The following TENM2 variants were observed in gnomAD, a reference collection of about 807,000 sequenced individuals.
TENM2 encodes teneurin transmembrane protein 2, also known as teneurin-2.
A neutral mutation model predicts 245.2 loss-of-function variants in TENM2; 52 were observed. The ratio of observed to expected loss-of-function variants is 0.21; its 90% confidence interval spans 0.17 to 0.27. TENM2 has a LOEUF of 0.27. Among genes scored for constraint, TENM2 ranks in the 10% least tolerant of loss-of-function variants. TENM2 has a pLI of 1.00. For synonymous variants in TENM2, 1,363 were observed against 1,438.9 expected (o/e 0.95, Z 1.19); for missense variants, 3,046 against 3,666.8 (o/e 0.83, Z 4.37).
At chr5:167,503,811 TTGAGCCCAG>T (rs1429989076) in intron 2 of TENM2, among the ~76,000 whole-genome samples, 4 of 152,150 alleles carry the variant, frequency 2.6e-5, no homozygotes, top group Non-Finnish European at 5.9e-5. Flanking sequence ...GGAGGATCAC[TTGAGCCCAG>T]GAGGCAGAGG....
intron 2 of TENM2, among the ~76,000 whole-genome samples, chr5:167,760,086 A>G (rs931321478): frequency 2.6e-5 from 4 of 152,170 alleles, no homozygotes; most frequent in Non-Finnish European, 5.9e-5. Context: ...GAGAGGAGCT[A>G]AATTTCTGAA....
chr5:167,694,339 C>T (rs1274848586), intron 2 of TENM2, among the ~76,000 whole-genome samples: 1 of 152,118 alleles, frequency 6.6e-6, no homozygotes, highest in Non-Finnish European at 1.5e-5. Flanking sequence ...GGAACTCAGG[C>T]TGTTAAGAGC....
intron 1 of TENM2, among the ~76,000 whole-genome samples, chr5:167,353,758 C>T (rs965788135): frequency 5.9e-5 from 9 of 151,862 alleles, no homozygotes; most frequent in Non-Finnish European, 8.8e-5. Context: ...CCGCCCGCCT[C>T]GGCCTCCCAA....
chr5:167,693,504 T>G (rs1240876612), intron 2 of TENM2, among the ~76,000 whole-genome samples: 1 of 152,142 alleles, frequency 6.6e-6, no homozygotes, highest in African/African-American at 2.4e-5. Context: ...TATTCAAAAT[T>G]TATTTCCTGA....
chr5:167,782,906 C>T (rs1370951969), intron 2 of TENM2, among the ~76,000 whole-genome samples: 1 of 152,204 alleles, frequency 6.6e-6, no homozygotes, highest in Admixed American at 6.5e-5. Flanking sequence ...GCTCGCCCAG[C>T]TCAGCAGCCA....
intron 2 of TENM2, among the ~76,000 whole-genome samples, chr5:167,588,732 G>A (rs1017972070): frequency 1.9e-4 from 29 of 152,310 alleles, no homozygotes; most frequent in Non-Finnish European, 1.3e-4. Flanking sequence ...TCATGGAAAT[G>A]ACATGTAGAT....
At position 167,658,774 on chromosome 5, in the gene TENM2, G is replaced by A. The variant is rs142544487; in HGVS notation, c.503-217212G>A. On this transcript the variant is annotated intron_variant, in intron 2 of 28. Transcript: ENST00000518659. ...GGTAGAAGGACTAATGTTTGGAATG[G>A]CCTGTATTCAAATTCAGAATGGATT... Among the ~76,000 whole-genome samples the A allele has an allele frequency of 4.4e-3, 666 of 152,226 alleles. 9 individuals are homozygous for A. Among genetic ancestry groups the A allele is most frequent in the African/African-American group, 0.015 (624 of 41,556 alleles).
At chr5:167,355,020 A>G (rs1759216784) in intron 1 of TENM2, among the ~76,000 whole-genome samples, 1 of 152,216 alleles carries the variant, frequency 6.6e-6, no homozygotes, top group Non-Finnish European at 1.5e-5. Context: ...ATAAACCATC[A>G]GGAATAAGAT....
At chr5:167,926,636 G>A (rs1221737112) in intron 3 of TENM2, among the ~76,000 whole-genome samples, 4 of 151,682 alleles carry the variant, frequency 2.6e-5, no homozygotes, top group South Asian at 2.1e-4. Context: ...CAGGAGAATC[G>A]CTTGAACCCA....
At chr5:168,233,327 A>G (rs1327649640) in intron 25 of TENM2, among the ~76,000 whole-genome samples, 3 of 151,204 alleles carry the variant, frequency 2.0e-5, no homozygotes, top group African/African-American at 7.3e-5. Flanking sequence ...TCCCATCTCA[A>G]AAAAAAAAGA....
chr5:167,143,178 G>A, the TENM2 span, among the ~76,000 whole-genome samples: 3 of 152,118 alleles, frequency 2.0e-5, no homozygotes, highest in Non-Finnish European at 4.4e-5. Flanking sequence ...TTACAGGCAT[G>A]GAAATGAACT....
intron 2 of TENM2, among the ~76,000 whole-genome samples, chr5:167,745,896 A>G (rs1366990838): frequency 6.6e-6 from 1 of 152,210 alleles, no homozygotes; most frequent in Non-Finnish European, 1.5e-5. Context: ...GTTGATGGAC[A>G]TTTGGATTGT....
chr5:168,175,804 C>T (rs901727346), intron 13 of TENM2, among the ~76,000 whole-genome samples: 2 of 152,206 alleles, frequency 1.3e-5, no homozygotes, highest in Admixed American at 1.3e-4. Context: ...GCAAGCTTCT[C>T]CTGCTCTTAC....
At chr5:167,503,737 T>C (rs1484121980) in intron 2 of TENM2, among the ~76,000 whole-genome samples, 1 of 151,788 alleles carries the variant, frequency 6.6e-6, no homozygotes, top group Non-Finnish European at 1.5e-5. Context: ...CTACAAAAAA[T>C]ACAAAAATTA....
chr5:167,993,719 T>C (rs1783842657), intron 5 of TENM2, among the ~76,000 whole-genome samples: 1 of 152,210 alleles, frequency 6.6e-6, no homozygotes, highest in African/African-American at 2.4e-5. Flanking sequence ...CAGAATCGAA[T>C]TAGCCAGACA....
At chr5:167,770,168 G>A (rs1763309192) in intron 2 of TENM2, among the ~76,000 whole-genome samples, 1 of 152,192 alleles carries the variant, frequency 6.6e-6, no homozygotes, top group African/African-American at 2.4e-5. Context: ...ACAAAGGTAG[G>A]CACAGCCCCT....
intron 2 of TENM2, among the ~76,000 whole-genome samples, chr5:167,518,245 C>A (rs1461099373): frequency 2.0e-5 from 3 of 152,096 alleles, no homozygotes; most frequent in African/African-American, 7.2e-5. Context: ...CAATGACATT[C>A]ACTTTCTGTC....
intron 2 of TENM2, among the ~76,000 whole-genome samples, chr5:167,663,875 T>A (rs573919488): frequency 5.3e-4 from 81 of 152,330 alleles, no homozygotes; most frequent in African/African-American, 1.9e-3. Context: ...CATTTTATAA[T>A]CAGACTGGTT....
chr5:167,001,740 A>G, the TENM2 span, among the ~76,000 whole-genome samples: 2 of 152,084 alleles, frequency 1.3e-5, no homozygotes, highest in Non-Finnish European at 2.9e-5. Flanking sequence ...AAGAAATACT[A>G]TTGTATCAGT....
Sources: allele counts gnomAD v4.1 joint callset (sites outside exome capture counted in the v4.1 genomes callset), GRCh38; gene constraint gnomAD v4.1.1; transcripts MANE v1.5; gene names NCBI Gene and HGNC (gene_info 2026-07-23, HGNC 2026-07-21).